DDIAS: variants seen among roughly 807,000 people sequenced by gnomAD.
DDIAS encodes the protein DNA damage induced apoptosis suppressor.
In DDIAS, 14 loss-of-function variants were observed where a neutral mutation model predicts 15.7. That is an observed-to-expected ratio of 0.89 (90% CI 0.59 to 1.39). The LOEUF (loss-of-function observed/expected upper bound fraction) is 1.39, where lower values mean the gene tolerates loss of function less well. DDIAS is among the 40% of genes most tolerant of loss of function. The probability of loss-of-function intolerance (pLI) is 0.00; values close to 1 mark genes in which losing one functional copy is unlikely to be tolerated. For synonymous variants in DDIAS, 355 were observed against 395.9 expected (o/e 0.90, Z 1.23); for missense variants, 1,035 against 1,130.9 (o/e 0.92, Z 1.22).
rs775700070 is a variant in DDIAS at position 82,928,824 on chromosome 11, A to G, written c.161A>G (p.Asn54Ser). Reference sequence around the variant, plus strand: ...TCTACTGGTGAATCTGGAAATGCCAATTACAGATACAAACTTTCCTTAAAA... The same window carrying G: ...TCTACTGGTGAATCTGGAAATGCCAGTTACAGATACAAACTTTCCTTAAAA... ...CGSTGESGNA[N>S]YRYKLSLKVA... The change falls in exon 4 of 6, where the codon AAT (asparagine) becomes AGT (serine). Residue 54 changes from asparagine to serine, a missense_variant. By Grantham distance (46) the Asn-to-Ser change is conservative (BLOSUM62 1). Transcript: ENST00000533655. 2 of 1,613,440 alleles carry G rather than the reference A, an allele frequency of 1.2e-6. No individual in the cohort carries two copies. Among genetic ancestry groups the G allele is most frequent in the Middle Eastern group, 1.7e-4 (1 of 6,052 alleles).
intron 1 of DDIAS, among the ~76,000 whole-genome samples, chr11:82,912,318 A>T (rs145355816): frequency 6.6e-6 from 1 of 152,138 alleles, no homozygotes. Context: ...AGCCACCATC[A>T]TCAACTAGTT....
chr11:82,931,711 A>C (rs368412470), intron 5 of DDIAS, 21 bp from the exon 6 acceptor site: 66 of 1,553,786 alleles, frequency 4.2e-5, no homozygotes, highest in Non-Finnish European at 5.5e-5. Context: ...TCTTACTTAA[A>C]TTTCTTTGCT....
intron 3 of DDIAS, among the ~76,000 whole-genome samples, chr11:82,927,400 GCA>G (rs1860884097): frequency 7.1e-6 from 1 of 140,756 alleles, no homozygotes; most frequent in Non-Finnish European, 1.6e-5. Flanking sequence ...CCTCAGTATG[GCA>G]GAAGAATAAC....
intron 3 of DDIAS, 84 bp from the exon 4 acceptor site, chr11:82,928,693 T>G (rs1292150170): frequency 1.4e-6 from 2 of 1,414,900 alleles, no homozygotes; most frequent in Non-Finnish European, 1.9e-6. Context: ...AAAATGTTAT[T>G]TTAAATTTTT....
At chr11:82,908,878 T>C (rs1468514531) in intron 1 of DDIAS, among the ~76,000 whole-genome samples, 9 of 152,258 alleles carry the variant, frequency 5.9e-5, no homozygotes, top group Admixed American at 3.9e-4. Flanking sequence ...AGCTGCTTTT[T>C]GTTCTTTGTT....
intron 1 of DDIAS, among the ~76,000 whole-genome samples, chr11:82,905,593 T>TC (rs1174807074): frequency 6.6e-6 from 1 of 152,114 alleles, no homozygotes; most frequent in Non-Finnish European, 1.5e-5. Flanking sequence ...ACTAAATTAG[T>TC]CCCCCTGTTA....
intron 2 of DDIAS, chr11:82,913,637 C>CT: frequency 1.0e-4 from 41 of 397,410 alleles, no homozygotes; most frequent in East Asian, 3.0e-4. Context: ...AATCTGAAGT[C>CT]TTTTTTTTCT....
chr11:82,928,749 T>C, intron 3 of DDIAS, 28 bp from the exon 4 acceptor site: 3 of 1,607,984 alleles, frequency 1.9e-6, no homozygotes, highest in Non-Finnish European at 1.7e-6. Context: ...AATGAACATC[T>C]CCACACTTTT....
At chr11:82,927,630 C>CA (rs34713810) in intron 3 of DDIAS, among the ~76,000 whole-genome samples, 1 of 151,884 alleles carries the variant, frequency 6.6e-6, no homozygotes, top group Non-Finnish European at 1.5e-5. Context: ...TGTTGTATTT[C>CA]AAAAAAATTT....
intron 1 of DDIAS, among the ~76,000 whole-genome samples, chr11:82,903,807 T>A (rs971545851): frequency 6.6e-6 from 1 of 152,044 alleles, no homozygotes; most frequent in African/African-American, 2.4e-5. Context: ...AAACAGAAAA[T>A]TGGAGAATTA....
At chr11:82,931,355 TTTTA>T (rs1308021370) in intron 5 of DDIAS, among the ~76,000 whole-genome samples, 2 of 152,104 alleles carry the variant, frequency 1.3e-5, no homozygotes, top group African/African-American at 4.8e-5. Flanking sequence ...AATCTGTTTA[TTTTA>T]TTTTATTTTT....
At chr11:82,902,086 C>A (rs1860319895) in intron 1 of DDIAS, among the ~76,000 whole-genome samples, 1 of 152,122 alleles carries the variant, frequency 6.6e-6, no homozygotes, top group Admixed American at 6.5e-5. Context: ...CTTTTAGAAT[C>A]GGAAATAGAG....
chr11:82,934,367 A>C lies in DDIAS; in HGVS notation c.*32A>C, dbSNP rs1028846334. 5.2e-6 allele frequency: 8 copies of C among 1,539,964 alleles called. No homozygotes were observed. In the African/African-American group the frequency reaches 8.3e-5, roughly 16 times the overall value. On this transcript the variant is annotated 3_prime_UTR_variant, in exon 6 of 6. Coordinates refer to ENST00000533655, the MANE Select transcript of DDIAS (RefSeq NM_145018.4). The stretch of plus-strand genomic sequence containing the variant: ...ACCTGAACCCAATTCCTGAACTTTT[A>C]AATCTGTTTGGAAATGTTTGCCTTC...
At chr11:82,907,968 G>T (rs904289311) in intron 1 of DDIAS, among the ~76,000 whole-genome samples, 3 of 152,160 alleles carry the variant, frequency 2.0e-5, no homozygotes, top group African/African-American at 7.2e-5. Flanking sequence ...ATGGGTAGAT[G>T]AACAAAAATA....
In DDIAS at chr11:82,914,865, CT is replaced by C; in HGVS notation, c.113+15del. ...GGTCTCCAAAAGGTAAAAGTAAAGTCTGTAAGTGTGAGAGAGGAAATACAAA... is the reference window on the plus strand; with the variant it reads ...GGTCTCCAAAAGGTAAAAGTAAAGTCGTAAGTGTGAGAGAGGAAATACAAA... On this transcript the variant is annotated intron_variant, in intron 3 of 5. Transcript: ENST00000533655. 6.6e-7 allele frequency: 1 copy of C among 1,504,370 alleles called. No homozygotes were observed. Among genetic ancestry groups the C allele is most frequent in the Non-Finnish European group, 9.2e-7 (1 of 1,087,208 alleles). The allele number at this position is 1,504,370 out of a possible 1,614,324, so 93.2% of individuals were successfully genotyped here. A position where few individuals can be genotyped will look rare whatever the true frequency, so the allele number is the denominator to read the frequency against.
intron 3 of DDIAS, among the ~76,000 whole-genome samples, chr11:82,923,217 T>C (rs1309637430): frequency 6.6e-6 from 1 of 152,224 alleles, no homozygotes; most frequent in Non-Finnish European, 1.5e-5. Flanking sequence ...TGCTGCTTTG[T>C]CCGAGTTGGA....
At position 82,933,053 on chromosome 11, in the gene DDIAS, T is replaced by C. The variant is rs1861034851; in HGVS notation, c.1715T>C (p.Leu572Pro). 1 of 1,604,170 alleles carries C rather than the reference T, an allele frequency of 6.2e-7. No individual in the cohort carries two copies. The highest frequency in any genetic ancestry group is 1.3e-5 in the African/African-American group (1 of 74,814). ...CACAGGGAGAGTGACCATTCTAGTCTAAATAACAAATATTTGAATGGATGT... is the reference window on the plus strand; with the variant it reads ...CACAGGGAGAGTGACCATTCTAGTCCAAATAACAAATATTTGAATGGATGT... The part of the protein sequence containing the change: ...SPHRESDHSS[L>P]NNKYLNGCGE... Residue 572 changes from leucine (L) to proline (P), a missense_variant, in exon 6 of 6, where the codon CTA (leucine) becomes CCA (proline). By Grantham distance (98) the Leu-to-Pro change is moderately conservative. Coordinates refer to ENST00000533655, the MANE Select transcript of DDIAS (RefSeq NM_145018.4).
rs1861066222 is a variant in DDIAS at position 82,934,106 on chromosome 11, A to T, written c.2768A>T (p.Asn923Ile). 6.2e-7 allele frequency: 1 copy of T among 1,609,098 alleles called. No homozygotes were observed. Among genetic ancestry groups the T allele is most frequent in the South Asian group, 1.1e-5 (1 of 89,352 alleles). The part of the protein sequence containing the change: ...NKGLIKKKLK[N>I]MLAAVVTKKK... ...GGTTTAATTAAGAAGAAATTAAAGA[A>T]TATGCTTGCAGCAGTTGTTACGAAA... is the stretch of plus-strand genomic sequence containing the variant. Residue 923 changes from asparagine (N) to isoleucine (I), a missense_variant, in exon 6 of 6, where the codon AAT (asparagine) becomes ATT (isoleucine). Transcript: ENST00000533655.
intron 2 of DDIAS, 71 bp from the exon 3 acceptor site, chr11:82,914,652 T>G (rs113881344): frequency 5.5e-6 from 4 of 730,832 alleles, no homozygotes; most frequent in African/African-American, 1.8e-5. Flanking sequence ...GTTAAGTGGT[T>G]TTCCTAAGAA....
Sources: gnomAD v4.1 joint callset for allele counts (sites outside exome capture counted in the v4.1 genomes callset) on GRCh38, gnomAD v4.1.1 for gene constraint, MANE v1.5 for transcripts, NCBI Gene and HGNC (gene_info 2026-07-23, HGNC 2026-07-21) for gene names.